KCNQ1: variants seen among roughly 807,000 people sequenced by gnomAD.
KCNQ1 encodes the protein potassium voltage-gated channel subfamily Q member 1.
In KCNQ1, 49 loss-of-function variants were observed where a neutral mutation model predicts 72.4. The observed-to-expected ratio is 0.68, with a 90% CI of 0.54 to 0.86. KCNQ1 has a LOEUF of 0.86. Ranked by LOEUF, KCNQ1 falls within the 40% of genes least tolerant of loss-of-function variation. The pLI, the probability that KCNQ1 is intolerant of heterozygous loss-of-function variation, is 0.00. For missense variants in KCNQ1, 790 were observed against 945.1 expected (o/e 0.84, Z 2.15); for synonymous variants, 450 against 412.6 (o/e 1.09, Z -1.10).
rs1274792804 is a variant in KCNQ1, at chr11:2,565,070, A to AG, written c.478-5557dup. Among the ~76,000 whole-genome samples the AG allele has an allele frequency of 1.3e-5, 2 of 152,208 alleles. No individual in the cohort carries two copies. The highest frequency in any genetic ancestry group is 4.8e-5 in the African/African-American group (2 of 41,460). On this transcript the variant is annotated intron_variant, in intron 2 of 15. Coordinates refer to ENST00000155840, the MANE Select transcript of KCNQ1 (RefSeq NM_000218.3). The surrounding 1 kb of genome is among the most constrained non-coding windows in gnomAD (Gnocchi z 5.6). ...ATGGGTGTGTATGGATCTCCTTTAA[A>AG]GAGACCGGGGACAGACTCCAAAGTG...
In KCNQ1 at chr11:2,526,551, C is replaced by G. The variant is rs1025548283; in HGVS notation, c.387-1377C>G. On this transcript the variant is annotated intron_variant, in intron 1 of 15. Coordinates refer to ENST00000155840, the MANE Select transcript of KCNQ1 (RefSeq NM_000218.3). This position sits in a 1 kb window ranked among gnomAD's most constrained non-coding sequence, Gnocchi z 6.1. ...GAAAGGATTGTCCTGTCCACAGGAGCTTGGGGAAGGGGGTGGGGGGCCAGA... is the reference window on the plus strand; with the variant it reads ...GAAAGGATTGTCCTGTCCACAGGAGGTTGGGGAAGGGGGTGGGGGGCCAGA... Among the ~76,000 whole-genome samples, 1 of 151,458 alleles carries G rather than the reference C, an allele frequency of 6.6e-6. No homozygotes were observed. The highest frequency in any genetic ancestry group is 1.5e-5 in the Non-Finnish European group (1 of 67,888).
intron 2 of KCNQ1, among the ~76,000 whole-genome samples, chr11:2,535,303 G>A (rs1564809426): frequency 6.6e-6 from 1 of 152,210 alleles, no homozygotes. Flanking sequence ...GGGCAGCTGG[G>A]GACACCCAGG....
At position 2,739,731 on chromosome 11, in the gene KCNQ1, G is replaced by A. The variant is rs991902910; in HGVS notation, c.1515-29113G>A. ...CGTCTTAAGGCAGGTCGGCTGCTCCGAGGACTGCCGGCCCTGTCAGTATGG... is the reference window on the plus strand; with the variant it reads ...CGTCTTAAGGCAGGTCGGCTGCTCCAAGGACTGCCGGCCCTGTCAGTATGG... On this transcript the variant is annotated intron_variant, in intron 11 of 15. Transcript: ENST00000155840. Among the ~76,000 whole-genome samples the A allele has an allele frequency of 3.9e-5, 6 of 152,244 alleles. No individual in the cohort carries two copies. In the East Asian group the frequency reaches 5.8e-4, roughly 15 times the overall value.
intron 3 of KCNQ1, 28 bp from the exon 4 acceptor site, chr11:2,571,297 A>G (rs758313160): frequency 1.9e-6 from 3 of 1,597,410 alleles, no homozygotes; most frequent in Middle Eastern, 1.7e-4. Context: ...GCGATCACGA[A>G]AAGCTCCCCC....
At chr11:2,829,598 G>A (rs234853) in intron 15 of KCNQ1, among the ~76,000 whole-genome samples, 101,103 of 152,032 alleles carry the variant, frequency 0.67, 34,687 homozygotes, top group South Asian at 0.75. Flanking sequence ...ATTTAACTGT[G>A]TTGGAAAGAT....
rs1209147626 is a variant in KCNQ1, at chr11:2,826,327, G to A, written c.1795-21440G>A. 6.6e-6 allele frequency among the ~76,000 whole-genome samples: 1 copy of A among 152,206 alleles called. No individual in the cohort carries two copies. Among genetic ancestry groups the A allele is most frequent in the East Asian group, 1.9e-4 (1 of 5,186 alleles). ...GCGGGGAGGGCAGGTTAACCCTTCG[G>A]GCTCCAGTATTCCCCAGCTTCCCAG... On this transcript the variant is annotated intron_variant, in intron 15 of 15. Coordinates refer to ENST00000155840, the MANE Select transcript of KCNQ1 (RefSeq NM_000218.3). The surrounding 1 kb of genome is among the most constrained non-coding windows in gnomAD (Gnocchi z 4.2).
rs3852523 is a variant in KCNQ1, at chr11:2,776,937, C to T, written c.1686-49C>T. ...TGTCCCACAGACGACAGTGCATCTG[C>T]GCAGTGCCAGGGCCAGGTGTGAACT... On this transcript the variant is annotated intron_variant, in intron 13 of 15. Coordinates refer to ENST00000155840, the MANE Select transcript of KCNQ1 (RefSeq NM_000218.3). The T allele has an allele frequency of 4.7e-3, 7,433 of 1,567,298 alleles. 274 individuals are homozygous for T. In the African/African-American group the frequency reaches 0.083, roughly 17 times the overall value.
chr11:2,471,755 T>C lies in KCNQ1; in HGVS notation c.386+26271T>C, dbSNP rs35891595. On this transcript the variant is annotated intron_variant, in intron 1 of 15. Coordinates refer to ENST00000155840, the MANE Select transcript of KCNQ1 (RefSeq NM_000218.3). This position sits in a 1 kb window ranked among gnomAD's most constrained non-coding sequence, Gnocchi z 4.8. ...GTGTATGTGTGCATGGGCGTGTGTG[T>C]ACTTGTGTATGGGTGTGTGCATGTG... Among the ~76,000 whole-genome samples the C allele has an allele frequency of 0.022, 3,272 of 151,236 alleles. 55 individuals are homozygous for C. Among genetic ancestry groups the C allele is most frequent in the Middle Eastern group, 0.075 (22 of 292 alleles).
At chr11:2,806,964 C>T (rs961667532) in intron 15 of KCNQ1, among the ~76,000 whole-genome samples, 1 of 151,950 alleles carries the variant, frequency 6.6e-6, no homozygotes, top group African/African-American at 2.4e-5. Flanking sequence ...ACAGGTTGGG[C>T]GGGGTCCCTG....
intron 10 of KCNQ1, chr11:2,610,471 T>G (rs1589980232): frequency 2.5e-6 from 1 of 398,424 alleles, no homozygotes; most frequent in East Asian, 3.6e-5. Context: ...TTTATGGATT[T>G]GAGTTACCAA....
intron 11 of KCNQ1, among the ~76,000 whole-genome samples, chr11:2,722,977 T>TG (rs1373057685): frequency 6.6e-6 from 1 of 152,186 alleles, no homozygotes; most frequent in Non-Finnish European, 1.5e-5. Context: ...AGCTGCCACC[T>TG]GGGGTGCCTC....
In KCNQ1 at chr11:2,608,767, G is replaced by A. The variant is rs1404894186; in HGVS notation, c.1393+19913G>A. 2.5e-6 allele frequency: 1 copy of A among 398,554 alleles called. No individual in the cohort carries two copies. The highest frequency in any genetic ancestry group is 3.6e-5 in the East Asian group (1 of 28,096). The allele number at this position is 398,554 out of a possible 1,614,324, so 24.7% of individuals were successfully genotyped here. A position where few individuals can be genotyped will look rare whatever the true frequency, so the allele number is the denominator to read the frequency against. ...GCCTCCCAAAGTGCTGGGATTACAGGTGTGAGCCACTGCAGCTAGCCTCGT... is the reference window on the plus strand; with the variant it reads ...GCCTCCCAAAGTGCTGGGATTACAGATGTGAGCCACTGCAGCTAGCCTCGT... On this transcript the variant is annotated intron_variant, in intron 10 of 15. Coordinates refer to ENST00000155840, the MANE Select transcript of KCNQ1 (RefSeq NM_000218.3). This position sits in a 1 kb window ranked among gnomAD's most constrained non-coding sequence, Gnocchi z 4.6.
At chr11:2,489,115 C>T (rs914308574) in intron 1 of KCNQ1, among the ~76,000 whole-genome samples, 1 of 152,158 alleles carries the variant, frequency 6.6e-6, no homozygotes, top group Non-Finnish European at 1.5e-5. Context: ...ACAGTATCTG[C>T]TTTTAACTTT....
chr11:2,687,426 C>T lies in KCNQ1; in HGVS notation c.1514+25345C>T. ...GAGGTCAGTAGGCACCTGTGTCCACCCAGCTGTCCATACAGATCCCTGCCT... is the reference window on the plus strand; with the variant it reads ...GAGGTCAGTAGGCACCTGTGTCCACTCAGCTGTCCATACAGATCCCTGCCT... On this transcript the variant is annotated intron_variant, in intron 11 of 15. Coordinates refer to ENST00000155840, the MANE Select transcript of KCNQ1 (RefSeq NM_000218.3). The surrounding 1 kb of genome is among the most constrained non-coding windows in gnomAD (Gnocchi z 5.0). 1 of 398,634 alleles carries T rather than the reference C, an allele frequency of 2.5e-6. No homozygotes were observed. The highest frequency in any genetic ancestry group is 4.4e-6 in the Non-Finnish European group (1 of 226,126). 24.7% of individuals were successfully genotyped at this position (398,634 alleles called of 1,614,324 possible). A position where few individuals can be genotyped will look rare whatever the true frequency, so the allele number is the denominator to read the frequency against.
At chr11:2,685,692 C>A (rs946473417) in intron 11 of KCNQ1, 8 of 398,556 alleles carry the variant, frequency 2.0e-5, no homozygotes, top group African/African-American at 1.6e-4. Context: ...GGACTTCAGG[C>A]CTTCGGTCTG....
rs1188391079 is a variant in KCNQ1, at chr11:2,623,575, C to T, written c.1393+34721C>T. 7.5e-6 allele frequency: 3 copies of T among 398,330 alleles called. No homozygotes were observed. Among genetic ancestry groups the T allele is most frequent in the Admixed American group, 4.4e-5 (1 of 22,702 alleles). The allele number at this position is 398,330 out of a possible 1,614,324, so 24.7% of individuals were successfully genotyped here. ...ACATAGTAATATGTTTTTTAATTAC[C>T]TCCATATCTTTTCATGGCTTGATAG... On this transcript the variant is annotated intron_variant, in intron 10 of 15. Coordinates refer to ENST00000155840, the MANE Select transcript of KCNQ1 (RefSeq NM_000218.3). This position sits in a 1 kb window ranked among gnomAD's most constrained non-coding sequence, Gnocchi z 5.2.
Position 2,601,350 on chromosome 11 carries a change from T to TA in KCNQ1, c.1393+12503dup, listed in dbSNP as rs1192452861. 2.6e-5 allele frequency among the ~76,000 whole-genome samples: 4 copies of TA among 152,312 alleles called. No homozygotes were observed. The highest frequency in any genetic ancestry group is 1.9e-4 in the East Asian group (1 of 5,190). On this transcript the variant is annotated intron_variant, in intron 10 of 15. Coordinates refer to ENST00000155840, the MANE Select transcript of KCNQ1 (RefSeq NM_000218.3). The surrounding 1 kb of genome is among the most constrained non-coding windows in gnomAD (Gnocchi z 5.2). ...TATTTATTCAGATCTTTTGCCCGTT[T>TA]AAAAAAATGAGACTTTCAAGCTTTT...
rs768977747 is a variant in KCNQ1 at position 2,526,771 on chromosome 11, G to A, written c.387-1157G>A. ...GGCTGGATGAGAGGCAATGCAGGGG[G>A]CCTTCTGGCTGTCCTGGGGTGGGTT... On this transcript the variant is annotated intron_variant, in intron 1 of 15. Transcript: ENST00000155840. This position sits in a 1 kb window ranked among gnomAD's most constrained non-coding sequence, Gnocchi z 6.1. Among the ~76,000 whole-genome samples the A allele has an allele frequency of 4.5e-4, 68 of 152,100 alleles. 1 individual carries two copies. Among genetic ancestry groups the A allele is most frequent in the Non-Finnish European group, 7.9e-4 (54 of 67,976 alleles).
At position 2,712,266 on chromosome 11, in the gene KCNQ1, C is replaced by T. The variant is rs1207291706; in HGVS notation, c.1514+50185C>T. Reference sequence around the variant, plus strand: ...GCCCTCTACTAGATGTGGGAGTTACCGTGTGGGATGGACTGACACTGGTGA... The same window carrying T: ...GCCCTCTACTAGATGTGGGAGTTACTGTGTGGGATGGACTGACACTGGTGA... On this transcript the variant is annotated intron_variant, in intron 11 of 15. Transcript: ENST00000155840. This position sits in a 1 kb window ranked among gnomAD's most constrained non-coding sequence, Gnocchi z 6.4. Among the ~76,000 whole-genome samples, 3 of 152,064 alleles carry T rather than the reference C, an allele frequency of 2.0e-5. No individual in the cohort carries two copies. Among genetic ancestry groups the T allele is most frequent in the East Asian group, 1.9e-4 (1 of 5,188 alleles).
Sources: gnomAD v4.1 joint callset for allele counts (sites outside exome capture counted in the v4.1 genomes callset) on GRCh38, gnomAD v4.1.1 for gene constraint, Gnocchi (gnomAD v3.1) non-coding constraint, MANE v1.5 for transcripts, NCBI Gene and HGNC (gene_info 2026-07-23, HGNC 2026-07-21) for gene names.